The following PPFIA2 variants were observed in gnomAD, a reference collection of about 807,000 sequenced individuals.
The protein encoded by PPFIA2 is PPFI scaffold protein A2, also known as liprin-alpha-2.
PPFIA2 carries 46 observed loss-of-function variants against 175.5 expected under a neutral mutation model. The ratio of observed to expected loss-of-function variants is 0.26; its 90% confidence interval spans 0.21 to 0.34. PPFIA2 has a LOEUF of 0.34. PPFIA2 is among the 10% of genes least tolerant of loss of function. The probability of loss-of-function intolerance (pLI) is 1.00; values close to 1 mark genes in which losing one functional copy is unlikely to be tolerated. For synonymous variants in PPFIA2, 568 were observed against 511.4 expected (o/e 1.11, Z -1.49); for missense variants, 1,179 against 1,506.1 (o/e 0.78, Z 3.60).
At chr12:81,592,238 G>T (rs1274260096) in intron 4 of PPFIA2, among the ~76,000 whole-genome samples, 1 of 152,164 alleles carries the variant, frequency 6.6e-6, no homozygotes, top group African/African-American at 2.4e-5. Flanking sequence ...TATTTAGGAA[G>T]TATGCAACTT....
At chr12:81,473,180 C>T (rs1555410428) in intron 4 of PPFIA2, among the ~76,000 whole-genome samples, 1 of 152,006 alleles carries the variant, frequency 6.6e-6, no homozygotes, top group Non-Finnish European at 1.5e-5. Flanking sequence ...GGCTGAGGTG[C>T]GTGGATCACC....
intron 7 of PPFIA2, among the ~76,000 whole-genome samples, chr12:81,429,509 G>A (rs1463996289): frequency 6.6e-6 from 1 of 151,926 alleles, no homozygotes; most frequent in Non-Finnish European, 1.5e-5. Context: ...TTCCTTAATA[G>A]AGTATTGTTC....
intron 22 of PPFIA2, among the ~76,000 whole-genome samples, chr12:81,309,142 G>C (rs1399565107): frequency 6.6e-6 from 1 of 152,062 alleles, no homozygotes; most frequent in Non-Finnish European, 1.5e-5. Flanking sequence ...AATGTATATT[G>C]TTTCACTAAA....
chr12:81,453,255 T>C (rs571247874), intron 5 of PPFIA2, among the ~76,000 whole-genome samples: 1 of 150,722 alleles, frequency 6.6e-6, no homozygotes, highest in East Asian at 2.0e-4. Flanking sequence ...CACACAATAG[T>C]TACATTCTAA....
At chr12:81,516,887 A>C (rs2062515748) in intron 4 of PPFIA2, among the ~76,000 whole-genome samples, 1 of 152,168 alleles carries the variant, frequency 6.6e-6, no homozygotes, top group African/African-American at 2.4e-5. Flanking sequence ...CTAAGGAAAG[A>C]TCTGAACCAG....
intron 5 of PPFIA2, among the ~76,000 whole-genome samples, chr12:81,446,252 A>G (rs1188050145): frequency 6.6e-6 from 1 of 152,250 alleles, no homozygotes; most frequent in Non-Finnish European, 1.5e-5. Flanking sequence ...ATTAGAACAT[A>G]GTAACTGAGA....
At chr12:81,511,233 C>T (rs2061756346) in intron 4 of PPFIA2, among the ~76,000 whole-genome samples, 1 of 152,058 alleles carries the variant, frequency 6.6e-6, no homozygotes, top group African/African-American at 2.4e-5. Flanking sequence ...TGTCAAGAGA[C>T]ATCATTTACA....
chr12:81,671,395 T>A (rs936918742), intron 4 of PPFIA2, among the ~76,000 whole-genome samples: 1 of 151,952 alleles, frequency 6.6e-6, no homozygotes, highest in Non-Finnish European at 1.5e-5. Context: ...AATGTCAAGT[T>A]TCTCCTGTGA....
chr12:81,299,500 T>G lies in PPFIA2; in HGVS notation c.2643-118A>C. The G allele has an allele frequency of 2.3e-6, 3 of 1,323,028 alleles. No homozygotes were observed. In the East Asian group the frequency reaches 7.7e-5, roughly 34 times the overall value. 82.0% of individuals were successfully genotyped at this position (1,323,028 alleles called of 1,614,324 possible). ...CTTTACAAGATTTTTTATGATACAATATAGAATAACAGAATTCCTTATTCC... is the reference window on the plus strand; with the variant it reads ...CTTTACAAGATTTTTTATGATACAAGATAGAATAACAGAATTCCTTATTCC... On this transcript the variant is annotated intron_variant, in intron 22 of 32. Transcript: ENST00000549396.
chr12:81,308,909 G>A (rs535432072), intron 22 of PPFIA2, among the ~76,000 whole-genome samples: 1 of 152,244 alleles, frequency 6.6e-6, no homozygotes, highest in South Asian at 2.1e-4. Flanking sequence ...TTCTCTGGGT[G>A]AAAAATTTAC....
At chr12:81,658,301 A>G (rs1397789477) in intron 4 of PPFIA2, among the ~76,000 whole-genome samples, 4 of 151,832 alleles carry the variant, frequency 2.6e-5, no homozygotes, top group Admixed American at 1.3e-4. Flanking sequence ...AAAAGAAAAA[A>G]AAAAATGATT....
At chr12:81,566,445 A>G (rs1214319226) in intron 4 of PPFIA2, among the ~76,000 whole-genome samples, 2 of 149,254 alleles carry the variant, frequency 1.3e-5, no homozygotes, top group Non-Finnish European at 3.0e-5. Context: ...AATCACTTGA[A>G]GCCGGGAGGC....
intron 7 of PPFIA2, among the ~76,000 whole-genome samples, chr12:81,435,838 T>G (rs766165958): frequency 5.3e-5 from 8 of 152,298 alleles, no homozygotes; most frequent in Non-Finnish European, 7.4e-5. Flanking sequence ...ATATCTAAAC[T>G]GTCACTGTAA....
chr12:81,678,064 G>A (rs1032923100), intron 3 of PPFIA2, among the ~76,000 whole-genome samples: 1 of 151,824 alleles, frequency 6.6e-6, no homozygotes, highest in Non-Finnish European at 1.5e-5. Flanking sequence ...TGCTGGAAAG[G>A]AGTTTTGGGT....
chr12:81,745,321 G>C (rs1347112319), intron 3 of PPFIA2, among the ~76,000 whole-genome samples: 2 of 152,068 alleles, frequency 1.3e-5, no homozygotes, highest in Non-Finnish European at 2.9e-5. Flanking sequence ...TAGGAGTCTG[G>C]TGGTCTCTCT....
Position 81,374,672 on chromosome 12 carries a change from C to T in PPFIA2, c.1228G>A (p.Glu410Lys). The change falls in exon 11 of 33, where the codon GAG becomes AAG. Residue 410 changes from glutamate (E) to lysine (K), a missense_variant. Around this residue, in one of 10 missense-constraint regions of PPFIA2, gnomAD observed 66 missense variants for 129.4 expected, o/e 0.51. Transcript: ENST00000549396. ...MRKAETLPEV[E>K]AELAQRIAAL... ...GCAATTCTCTGAGCCAGTTCAGCCT[C>T]TACTTCAGGCAAGGTTTCAGCCTTT... The T allele has an allele frequency of 1.2e-6, 2 of 1,613,382 alleles. No individual in the cohort carries two copies. Among genetic ancestry groups the T allele is most frequent in the Non-Finnish European group, 1.7e-6 (2 of 1,179,550 alleles).
intron 22 of PPFIA2, among the ~76,000 whole-genome samples, chr12:81,307,003 C>T (rs2049406341): frequency 6.6e-6 from 1 of 152,172 alleles, no homozygotes; most frequent in Non-Finnish European, 1.5e-5. Flanking sequence ...TTGAAAAGTA[C>T]TTTCACAGTT....
chr12:81,697,218 G>C (rs1596487683), intron 3 of PPFIA2, among the ~76,000 whole-genome samples: 1 of 152,030 alleles, frequency 6.6e-6, no homozygotes, highest in Non-Finnish European at 1.5e-5. Flanking sequence ...TTATCAGAAA[G>C]TGTATACACT....
intron 7 of PPFIA2, among the ~76,000 whole-genome samples, chr12:81,416,634 C>G (rs1186641551): frequency 6.6e-6 from 1 of 151,664 alleles, no homozygotes; most frequent in Non-Finnish European, 1.5e-5. Context: ...TTATAAAGTA[C>G]TTCTTTGTAC....
Sources: gnomAD v4.1 joint callset for allele counts (sites outside exome capture counted in the v4.1 genomes callset) on GRCh38, gnomAD v4.1.1 for gene constraint, gnomAD v4.1.1 regional missense constraint, MANE v1.5 for transcripts, NCBI Gene and HGNC (gene_info 2026-07-23, HGNC 2026-07-21) for gene names.